The following NISCH variants were observed in gnomAD, a reference collection of about 807,000 sequenced individuals.
The protein encoded by NISCH is nischarin, also known as I-1 receptor candidate protein.
A neutral mutation model predicts 138.4 loss-of-function variants in NISCH; 55 were observed. The observed-to-expected ratio is 0.40, with a 90% confidence interval of 0.32 to 0.50. The LOEUF is 0.50. NISCH is among the 20% of genes least tolerant of loss of function. NISCH has a pLI of 0.71. For synonymous variants in NISCH, 860 were observed against 861.5 expected, an observed-to-expected ratio of 1.00 and a Z score of 0.03; for missense variants, 1,643 against 2,005.5, an observed-to-expected ratio of 0.82 and a Z score of 3.45.
intron 13 of NISCH, among the ~76,000 whole-genome samples, chr3:52,483,503 C>T (rs1322574203): frequency 6.6e-6 from 1 of 152,224 alleles, no homozygotes; most frequent in African/African-American, 2.4e-5. Flanking sequence ...AGTAACAGGT[C>T]CAGATAGGCT....
In NISCH at chr3:52,491,361, C is replaced by T. The variant is rs772376132; in HGVS notation, c.3752C>T (p.Pro1251Leu). ...GCCCCTTCTCGTGCAGGTTCCACCC[C>T]GATGCAGGTGGTCACGTGCTTGACG... is the stretch of plus-strand genomic sequence containing the variant. The part of the protein sequence containing the change: ...DQHFRLTGST[P>L]MQVVTCLTRD... Residue 1251 changes from proline to leucine, a missense_variant, in exon 20 of 21, where the codon CCG becomes CTG. By Grantham distance (98) the Pro-to-Leu change is moderately conservative. Coordinates refer to ENST00000345716, the MANE Select transcript of NISCH (RefSeq NM_007184.4). 21 of 1,611,512 alleles carry T rather than the reference C, an allele frequency of 1.3e-5. No homozygotes were observed. In the East Asian group the frequency reaches 1.3e-4, roughly 10 times the overall value.
intron 16 of NISCH, 85 bp from the exon 17 acceptor site, chr3:52,489,251 C>G: frequency 6.8e-7 from 1 of 1,471,996 alleles, no homozygotes; most frequent in Non-Finnish European, 9.3e-7. Flanking sequence ...GTGATGCACA[C>G]AGTCTCCTCA....
intron 3 of NISCH, among the ~76,000 whole-genome samples, chr3:52,466,788 T>C (rs1368942565): frequency 1.3e-5 from 2 of 152,074 alleles, no homozygotes; most frequent in Non-Finnish European, 2.9e-5. Flanking sequence ...TTGCAGGGCA[T>C]GTGCGCAGGC....
chr3:52,491,652 G>A, intron 20 of NISCH, 139 bp downstream of exon 20: 1 of 1,127,258 alleles, frequency 8.9e-7, no homozygotes, highest in Non-Finnish European at 1.2e-6. Flanking sequence ...TTTATGTGGG[G>A]CTTTTCGATG....
intron 3 of NISCH, among the ~76,000 whole-genome samples, chr3:52,460,186 CAA>C (rs60865450): frequency 2.1e-4 from 12 of 56,192 alleles, no homozygotes; most frequent in African/African-American, 7.6e-4. Flanking sequence ...GACTTCATCT[CAA>C]AAAAAAAAAA....
At chr3:52,474,059 T>A (rs1214934355) in intron 7 of NISCH, among the ~76,000 whole-genome samples, 1 of 152,224 alleles carries the variant, frequency 6.6e-6, no homozygotes, top group Non-Finnish European at 1.5e-5. Flanking sequence ...CAGGACATTT[T>A]AAGGAACTTG....
chr3:52,484,180 A>G (rs1240969555), intron 13 of NISCH: 1 of 239,626 alleles, frequency 4.2e-6, no homozygotes, highest in Non-Finnish European at 8.2e-6. Context: ...CACTTTTCTC[A>G]TTTCATCTGG....
rs1309386911 is a variant in NISCH, at chr3:52,486,105, G to GTTACATTCT, written c.1703+281_1703+289dup. 4.6e-5 allele frequency among the ~76,000 whole-genome samples: 7 copies of GTTACATTCT among 152,328 alleles called. No homozygotes were observed. In the East Asian group the frequency reaches 1.3e-3, roughly 29 times the overall value. On this transcript the variant is annotated intron_variant, in intron 15 of 20. Coordinates refer to ENST00000345716, the MANE Select transcript of NISCH (RefSeq NM_007184.4). ...CACAGCCTGGGAGCTAAGAATGACA[G>GTTACATTCT]TTACATTCTTTTTTCTTTTTTTGAG...
intron 20 of NISCH, 127 bp downstream of exon 20, chr3:52,491,640 G>A: frequency 8.2e-7 from 1 of 1,217,830 alleles, no homozygotes; most frequent in South Asian, 1.6e-5. Flanking sequence ...GCTGGCCAGG[G>A]TTTTATGTGG....
chr3:52,456,496 G>A (rs1449406349), intron 1 of NISCH, among the ~76,000 whole-genome samples: 1 of 122,098 alleles, frequency 8.2e-6, no homozygotes, highest in East Asian at 1.9e-4. Context: ...GGGGTTGGAT[G>A]CCAGGCCTGT....
chr3:52,473,920 G>C (rs1707023360), intron 7 of NISCH, 91 bp downstream of exon 7: 2 of 782,368 alleles, frequency 2.6e-6, no homozygotes, highest in Non-Finnish European at 4.2e-6. Context: ...TGAGGACACT[G>C]CTATGTCTAT....
In NISCH at chr3:52,490,838, G is replaced by T; in HGVS notation, c.3742+5G>T. The T allele has an allele frequency of 6.2e-7, 1 of 1,614,066 alleles. No homozygotes were observed. The highest frequency in any genetic ancestry group is 1.1e-5 in the South Asian group (1 of 91,074). ...ACCAGCATTTCCGGCTGACGGGTGGGTGACCCTCTGTGCTTTGTCCTATTT... is the reference window on the plus strand; with the variant it reads ...ACCAGCATTTCCGGCTGACGGGTGGTTGACCCTCTGTGCTTTGTCCTATTT... On this transcript the variant is annotated splice_donor_5th_base_variant and intron_variant, in intron 19 of 20. Coordinates refer to ENST00000345716, the MANE Select transcript of NISCH (RefSeq NM_007184.4).
At chr3:52,483,665 G>T (rs927266513) in intron 13 of NISCH, among the ~76,000 whole-genome samples, 1 of 152,254 alleles carries the variant, frequency 6.6e-6, no homozygotes. Context: ...GGCTCAGGCT[G>T]GACTCAGCAG....
At chr3:52,477,973 C>A in intron 9 of NISCH, 124 bp from the exon 10 acceptor site, 1 of 987,184 alleles carries the variant, frequency 1.0e-6, no homozygotes. Context: ...CCTAAAATAA[C>A]TGTCAGAGTG....
rs939424929 is a variant in NISCH at position 52,490,832 on chromosome 3, G to A, written c.3741G>A (p.Thr1247=). 5.6e-6 allele frequency: 9 copies of A among 1,613,946 alleles called. No individual in the cohort carries two copies. Among genetic ancestry groups the A allele is most frequent in the East Asian group, 2.2e-5 (1 of 44,904 alleles). The change falls in exon 19 of 21, where the codon ACG becomes ACA. Residue 1247 remains threonine, a splice_region_variant and synonymous_variant. Coordinates refer to ENST00000345716, the MANE Select transcript of NISCH (RefSeq NM_007184.4). The stretch of plus-strand genomic sequence containing the variant: ...TTTTCGACCAGCATTTCCGGCTGAC[G>A]GGTGGGTGACCCTCTGTGCTTTGTC... The part of the protein sequence containing the change: ...VGLFDQHFRL[T]GSTPMQVVTC...
At chr3:52,460,281 C>T (rs1378401285) in intron 3 of NISCH, among the ~76,000 whole-genome samples, 1 of 145,568 alleles carries the variant, frequency 6.9e-6, no homozygotes, top group East Asian at 2.0e-4. Context: ...GAAAATAAAA[C>T]AAAAAAGAAA....
chr3:52,479,133 G>C (rs989672856), intron 11 of NISCH, among the ~76,000 whole-genome samples: 1 of 152,152 alleles, frequency 6.6e-6, no homozygotes, highest in Non-Finnish European at 1.5e-5. Flanking sequence ...CCTCCACACA[G>C]TCACAAGACC....
intron 15 of NISCH, chr3:52,486,403 A>G (rs533923318): frequency 1.3e-4 from 19 of 151,944 alleles, no homozygotes; most frequent in African/African-American, 4.4e-4. Flanking sequence ...GGCATGAGCC[A>G]CCGCGCCTGG....
At chr3:52,480,430 C>A (rs748751448) in intron 13 of NISCH, 135 bp downstream of exon 13, 10 of 1,546,382 alleles carry the variant, frequency 6.5e-6, no homozygotes, top group Non-Finnish European at 8.7e-6. Flanking sequence ...GTGCCTTCTG[C>A]AGGCTGGTCC....
Sources: gnomAD v4.1 joint callset for allele counts (sites outside exome capture counted in the v4.1 genomes callset) on GRCh38, gnomAD v4.1.1 for gene constraint, MANE v1.5 for transcripts, NCBI Gene and HGNC (gene_info 2026-07-23, HGNC 2026-07-21) for gene names.